The following HOMER2 variants were observed in gnomAD, a reference collection of about 807,000 sequenced individuals.
The protein encoded by HOMER2 is homer scaffold protein 2, also known as homer protein homolog 2.
Under a neutral mutation model 47.0 loss-of-function variants are expected in HOMER2, and 27 were observed. That is an observed-to-expected ratio of 0.57 (90% CI 0.42 to 0.79). The LOEUF is 0.79. Ranked by LOEUF, HOMER2 falls within the 30% of genes least tolerant of loss-of-function variation. The pLI is 0.00. For missense variants in HOMER2, 443 were observed against 435.0 expected (o/e 1.02, Z -0.16); for synonymous variants, 161 against 163.8 (o/e 0.98, Z 0.13).
intron 1 of HOMER2, among the ~76,000 whole-genome samples, chr15:82,903,479 T>G (rs960082197): frequency 1.3e-5 from 2 of 151,890 alleles, no homozygotes; most frequent in African/African-American, 4.8e-5. Flanking sequence ...TAGCCAGGCG[T>G]GGTGGCACAT....
chr15:82,966,211 T>C (rs2054674064), intron 1 of HOMER2, among the ~76,000 whole-genome samples: 1 of 152,114 alleles, frequency 6.6e-6, no homozygotes, highest in African/African-American at 2.4e-5. Flanking sequence ...GCCATTGTGC[T>C]GGAGCTCAAA....
upstream of HOMER2, among the ~76,000 whole-genome samples, chr15:82,956,049 G>A (rs1316816236): frequency 6.6e-6 from 1 of 152,026 alleles, no homozygotes; most frequent in Non-Finnish European, 1.5e-5. Flanking sequence ...AGACCAGCCT[G>A]GCCAACATGG....
chr15:82,927,877 G>A (rs1451996570), intron 1 of HOMER2, among the ~76,000 whole-genome samples: 1 of 151,854 alleles, frequency 6.6e-6, no homozygotes, highest in Non-Finnish European at 1.5e-5. Context: ...GGCTGAGGAA[G>A]GAGAATTGAT....
chr15:82,977,841 A>T (rs1350681035), intron 1 of HOMER2, among the ~76,000 whole-genome samples: 1 of 151,984 alleles, frequency 6.6e-6, no homozygotes, highest in African/African-American at 2.4e-5. Context: ...AGTGGGAAAA[A>T]ATTAGTCAAA....
chr15:82,847,863 C>T (rs553719453), downstream of HOMER2, among the ~76,000 whole-genome samples: 2 of 152,226 alleles, frequency 1.3e-5, no homozygotes, highest in Admixed American at 6.5e-5. Context: ...ATAGCCAGCT[C>T]GGCTCTCTGG....
At chr15:82,876,772 G>A (rs991869261) in intron 2 of HOMER2, among the ~76,000 whole-genome samples, 3 of 152,194 alleles carry the variant, frequency 2.0e-5, no homozygotes, top group Middle Eastern at 3.2e-3. Flanking sequence ...GACAAAAAAA[G>A]TTTGAATGGC....
upstream of HOMER2, among the ~76,000 whole-genome samples, chr15:82,956,500 G>C (rs989782165): frequency 6.6e-6 from 1 of 152,176 alleles, no homozygotes; most frequent in African/African-American, 2.4e-5. Context: ...GATGGGTTGG[G>C]GAATGCCGTG....
chr15:82,838,029 GA>G (rs972241689), exon 2 of HOMER2: 1 of 152,636 alleles, frequency 6.6e-6, no homozygotes, highest in African/African-American at 2.4e-5. Context: ...GGATTCCAGG[GA>G]TGGAACAGCA....
Position 82,893,611 on chromosome 15 carries a change from G to A in HOMER2, c.6-770C>T, listed in dbSNP as rs560505467. ...CTCCCAAAGTGCTAGGATTATAGGCGTAAGCCACTGCGCCTTTTTTTTTTT... is the reference window on the plus strand; with the variant it reads ...CTCCCAAAGTGCTAGGATTATAGGCATAAGCCACTGCGCCTTTTTTTTTTT... On this transcript the variant is annotated intron_variant, in intron 1 of 8. Coordinates refer to ENST00000450735, the MANE Select transcript of HOMER2 (RefSeq NM_004839.4). Among the ~76,000 whole-genome samples, 215 of 148,144 alleles carry A rather than the reference G, an allele frequency of 1.5e-3. 2 individuals are homozygous for A. The highest frequency in any genetic ancestry group is 2.3e-3 in the Non-Finnish European group (157 of 67,556).
At chr15:82,863,450 GCCT>G (rs1169460698) in intron 4 of HOMER2, among the ~76,000 whole-genome samples, 1 of 152,052 alleles carries the variant, frequency 6.6e-6, no homozygotes, top group Non-Finnish European at 1.5e-5. Flanking sequence ...ACATCTCAAC[GCCT>G]CCGACAGCAC....
At chr15:82,914,348 AG>A (rs1567051033) in intron 1 of HOMER2, among the ~76,000 whole-genome samples, 2 of 150,580 alleles carry the variant, frequency 1.3e-5, no homozygotes, top group Non-Finnish European at 3.0e-5. Flanking sequence ...ACTGCACTCC[AG>A]CCTGGGTGGC....
chr15:82,941,285 A>T (rs2054260124), intron 1 of HOMER2, among the ~76,000 whole-genome samples: 1 of 151,682 alleles, frequency 6.6e-6, no homozygotes, highest in African/African-American at 2.4e-5. Flanking sequence ...CTATACTAAA[A>T]ATACAAAAAT....
exon 2 of HOMER2, chr15:82,840,140 AGTC>A (rs1319052937): frequency 6.6e-6 from 1 of 152,190 alleles, no homozygotes; most frequent in Admixed American, 6.5e-5. Flanking sequence ...TTAGAGGAAA[AGTC>A]GTACCTTACA....
In HOMER2 at chr15:82,925,883, C is replaced by G. The variant is rs915329067; in HGVS notation, c.5+26648G>C. The G allele has an allele frequency of 2.0e-5, 3 of 152,160 alleles. No homozygotes were observed. The South Asian group carries it at 6.2e-4, about 32-fold the overall frequency. The allele number at this position is 152,160 out of a possible 1,614,324, so 9.4% of individuals were successfully genotyped here. A position where few individuals can be genotyped will look rare whatever the true frequency, so the allele number is the denominator to read the frequency against. On this transcript the variant is annotated intron_variant, in intron 1 of 8. Transcript: ENST00000450735. Reference sequence around the variant, plus strand: ...TCAGACTCTGTCAACCACCAACCCCCATGATACTCCCCCTCATTTCTCAAT... The same window carrying G: ...TCAGACTCTGTCAACCACCAACCCCGATGATACTCCCCCTCATTTCTCAAT...
chr15:82,966,150 G>A (rs2054673495), intron 1 of HOMER2, among the ~76,000 whole-genome samples: 1 of 152,112 alleles, frequency 6.6e-6, no homozygotes, highest in Admixed American at 6.6e-5. Context: ...GGCATTGGGA[G>A]TATGGTAGAA....
At chr15:82,915,818 AAAAC>A (rs929436430) in intron 1 of HOMER2, among the ~76,000 whole-genome samples, 18 of 152,254 alleles carry the variant, frequency 1.2e-4, no homozygotes, top group Admixed American at 2.0e-4. Context: ...ATTAAAAACA[AAAAC>A]AAACAAACAA....
intron 1 of HOMER2, among the ~76,000 whole-genome samples, chr15:82,903,387 C>T (rs979792803): frequency 2.6e-5 from 4 of 151,868 alleles, no homozygotes; most frequent in African/African-American, 7.3e-5. Flanking sequence ...CCAAGGTGGG[C>T]GGATCACCTG....
At chr15:82,835,516 C>T (rs1018384144), downstream of HOMER2, 35 of 152,438 alleles carry the variant, frequency 2.3e-4, no homozygotes, top group African/African-American at 8.2e-4. Context: ...CAGCTGCAGC[C>T]TGGGTCTCCC....
chr15:82,863,930 G>A (rs2051875993), intron 4 of HOMER2, among the ~76,000 whole-genome samples: 1 of 152,122 alleles, frequency 6.6e-6, no homozygotes. Flanking sequence ...GTCTCTCCTG[G>A]GCCAGGATGT....
Sources: allele counts gnomAD v4.1 joint callset (sites outside exome capture counted in the v4.1 genomes callset), GRCh38; gene constraint gnomAD v4.1.1; transcripts MANE v1.5; gene names NCBI Gene and HGNC (gene_info 2026-07-23, HGNC 2026-07-21).